Variants in GRM7 observed in about 807,000 individuals in gnomAD.
GRM7 encodes the protein glutamate metabotropic receptor 7, also known as metabotropic glutamate receptor 7.
GRM7 carries 35 observed loss-of-function variants against 84.5 expected under a neutral mutation model. The ratio of observed to expected loss-of-function variants is 0.41; its 90% CI spans 0.32 to 0.55. The LOEUF is 0.55. Among genes scored for constraint, GRM7 ranks in the 20% least tolerant of loss-of-function variants. GRM7 has a pLI of 0.19. For missense variants in GRM7, 1,003 were observed against 1,194.6 expected, an observed-to-expected ratio of 0.84 and a Z score of 2.36; for synonymous variants, 487 against 455.1, an observed-to-expected ratio of 1.07 and a Z score of -0.89.
chr3:7,696,614 T>C (rs1701030624), intron 9 of GRM7, among the ~76,000 whole-genome samples: 1 of 152,232 alleles, frequency 6.6e-6, no homozygotes, highest in Non-Finnish European at 1.5e-5. Context: ...TTCACTTGGA[T>C]TGGCCAACTT....
At chr3:7,029,301 C>CAAAAAAAAAAAAAAAAAAA in intron 1 of GRM7, among the ~76,000 whole-genome samples, 1 of 55,246 alleles carries the variant, frequency 1.8e-5, no homozygotes, top group African/African-American at 4.2e-5. Flanking sequence ...GACTCTGCCT[C>CAAAAAAAAAAAAAAAAAAA]AAAAAAAAAA....
chr3:7,339,570 C>T (rs986664640), intron 4 of GRM7, among the ~76,000 whole-genome samples: 3 of 152,082 alleles, frequency 2.0e-5, no homozygotes, highest in Non-Finnish European at 2.9e-5. Context: ...GAGCTCCACC[C>T]TCCATTAAAG....
chr3:7,043,781 A>G (rs1029620014), intron 1 of GRM7, among the ~76,000 whole-genome samples: 1 of 152,158 alleles, frequency 6.6e-6, no homozygotes, highest in Non-Finnish European at 1.5e-5. Context: ...GCTTAACCAC[A>G]TCCCCTCTTC....
chr3:7,025,262 A>T (rs1575143880), intron 1 of GRM7, among the ~76,000 whole-genome samples: 2 of 152,276 alleles, frequency 1.3e-5, no homozygotes, highest in Middle Eastern at 3.4e-3. Context: ...CTATGACTTT[A>T]GTTCTCCCTT....
At position 7,295,075 on chromosome 3, in the gene GRM7, A is replaced by T. The variant is rs369443486; in HGVS notation, c.737-3609A>T. On this transcript the variant is annotated intron_variant, in intron 2 of 9. Coordinates refer to ENST00000357716, the MANE Select transcript of GRM7 (RefSeq NM_000844.4). ...CTTTGGATATTATATTCAAAAACTCATTGCCAAACCCAAGGTCATATTGAT... is the reference window on the plus strand; with the variant it reads ...CTTTGGATATTATATTCAAAAACTCTTTGCCAAACCCAAGGTCATATTGAT... 7.2e-5 allele frequency among the ~76,000 whole-genome samples: 11 copies of T among 152,328 alleles called. No individual in the cohort carries two copies. In the South Asian group the frequency reaches 1.2e-3, roughly 17 times the overall value.
intron 1 of GRM7, among the ~76,000 whole-genome samples, chr3:7,031,575 C>T (rs1320163983): frequency 2.0e-5 from 3 of 151,882 alleles, no homozygotes; most frequent in African/African-American, 4.8e-5. Flanking sequence ...CGCCACCACG[C>T]CCAGCTAATT....
intron 1 of GRM7, among the ~76,000 whole-genome samples, chr3:7,136,532 C>A (rs2125058389): frequency 6.6e-6 from 1 of 152,088 alleles, no homozygotes; most frequent in South Asian, 2.1e-4. Context: ...TCCTACATTC[C>A]CCAAAAAAGT....
At chr3:7,553,617 G>A (rs1693605931) in intron 7 of GRM7, among the ~76,000 whole-genome samples, 1 of 152,148 alleles carries the variant, frequency 6.6e-6, no homozygotes, top group Non-Finnish European at 1.5e-5. Flanking sequence ...GGAGCACAAG[G>A]CATCTTCTTC....
chr3:7,231,836 C>G (rs1271769196), intron 2 of GRM7, among the ~76,000 whole-genome samples: 15 of 152,156 alleles, frequency 9.9e-5, no homozygotes, highest in Admixed American at 9.8e-4. Context: ...CCTTACTGCC[C>G]TCCAGCTGAT....
Position 7,600,113 on chromosome 3 carries a change from C to G in GRM7, c.2451+20756C>G, listed in dbSNP as rs141653075. ...GCAGGATAGGCATCCATTTTCATAGCTAAATTGTTCAAAAGGCACACAGAG... is the reference window on the plus strand; with the variant it reads ...GCAGGATAGGCATCCATTTTCATAGGTAAATTGTTCAAAAGGCACACAGAG... On this transcript the variant is annotated intron_variant, in intron 8 of 9. Transcript: ENST00000357716. 1.3e-3 allele frequency among the ~76,000 whole-genome samples: 193 copies of G among 152,062 alleles called. 2 individuals carry two copies. The highest frequency in any genetic ancestry group is 3.7e-3 in the Admixed American group (57 of 15,262).
chr3:7,723,725 C>T lies in GRM7; in HGVS notation c.2699-16632C>T, dbSNP rs77542715. Among the ~76,000 whole-genome samples, 52 of 152,076 alleles carry T rather than the reference C, an allele frequency of 3.4e-4. 1 individual carries two copies. The East Asian group carries it at 9.9e-3, about 29-fold the overall frequency. ...ATGAGTCAGGCATGGTGGCGTGCAC[C>T]TGTAGTCCCAGCTATTTGGGAAGCT... On this transcript the variant is annotated intron_variant, in intron 9 of 9. Coordinates refer to ENST00000357716, the MANE Select transcript of GRM7 (RefSeq NM_000844.4).
At chr3:7,684,368 T>C (rs1021060837) in intron 9 of GRM7, among the ~76,000 whole-genome samples, 1 of 152,190 alleles carries the variant, frequency 6.6e-6, no homozygotes, top group African/African-American at 2.4e-5. Flanking sequence ...TGAGAGGAAG[T>C]AGAGTTTACA....
At chr3:7,338,810 C>G (rs1366361778) in intron 4 of GRM7, among the ~76,000 whole-genome samples, 1 of 151,854 alleles carries the variant, frequency 6.6e-6, no homozygotes, top group Non-Finnish European at 1.5e-5. Flanking sequence ...GTGTTGAAAC[C>G]AACAAATTAT....
chr3:7,713,124 GTTTTTTTTTTTTTTTTTTTT>G (rs5846535), intron 9 of GRM7, among the ~76,000 whole-genome samples: 1 of 97,124 alleles, frequency 1.0e-5, no homozygotes, highest in Non-Finnish European at 2.2e-5. Flanking sequence ...ATTTTGTTTT[GTTTTTTTTTTTTTTTTTTTT>G]TTTTTTTTGA....
At chr3:7,360,567 C>T (rs535039034) in intron 4 of GRM7, among the ~76,000 whole-genome samples, 1 of 152,136 alleles carries the variant, frequency 6.6e-6, no homozygotes, top group South Asian at 2.1e-4. Flanking sequence ...CTTTATTATT[C>T]ATTTATCAGC....
chr3:7,332,362 G>C (rs549910936), intron 4 of GRM7, among the ~76,000 whole-genome samples: 9 of 152,172 alleles, frequency 5.9e-5, no homozygotes, highest in Non-Finnish European at 1.0e-4. Context: ...GACTTTGGCT[G>C]CAGCCTTCTG....
At chr3:7,507,611 A>G (rs764508369) in intron 7 of GRM7, among the ~76,000 whole-genome samples, 3 of 152,214 alleles carry the variant, frequency 2.0e-5, no homozygotes, top group Non-Finnish European at 4.4e-5. Flanking sequence ...ATTTTAGAAC[A>G]GGTATAGTTC....
chr3:7,579,539 G>A (rs1342876257), intron 8 of GRM7, among the ~76,000 whole-genome samples, 182 bp downstream of exon 8: 4 of 152,056 alleles, frequency 2.6e-5, no homozygotes, highest in Admixed American at 6.6e-5. Flanking sequence ...ACTGAGCCAC[G>A]TTCATTCCAC....
At chr3:6,900,355 A>G (rs2125002219) in intron 1 of GRM7, among the ~76,000 whole-genome samples, 1 of 152,350 alleles carries the variant, frequency 6.6e-6, no homozygotes, top group Admixed American at 6.5e-5. Flanking sequence ...CAGTTGTTTT[A>G]AAAGCACAAT....
Sources: gnomAD v4.1 joint callset for allele counts (sites outside exome capture counted in the v4.1 genomes callset) on GRCh38, gnomAD v4.1.1 for gene constraint, MANE v1.5 for transcripts, NCBI Gene and HGNC (gene_info 2026-07-23, HGNC 2026-07-21) for gene names.